The following ADGRE3 variants were observed in gnomAD, a reference collection of about 807,000 sequenced individuals.
The protein encoded by ADGRE3 is EGF-like module receptor 3.
Under a neutral mutation model 80.1 loss-of-function variants are expected in ADGRE3, and 88 were observed. The ratio of observed to expected loss-of-function variants is 1.10; its 90% CI spans 0.93 to 1.31. ADGRE3 has a LOEUF of 1.31. ADGRE3 is among the 40% of genes most tolerant of loss of function. ADGRE3 has a pLI of 0.00. For synonymous variants in ADGRE3, 281 were observed against 294.8 expected, an observed-to-expected ratio of 0.95 and a Z score of 0.48; for missense variants, 715 against 776.5, an observed-to-expected ratio of 0.92 and a Z score of 0.94.
chr19:14,620,867 T>C (rs1295224526), intron 15 of ADGRE3, among the ~76,000 whole-genome samples: 1 of 151,776 alleles, frequency 6.6e-6, no homozygotes, highest in Non-Finnish European at 1.5e-5. Flanking sequence ...ATTTCCACAA[T>C]GTTAAACGAT....
intron 7 of ADGRE3, among the ~76,000 whole-genome samples, chr19:14,649,220 A>G (rs1205063661): frequency 9.5e-6 from 1 of 104,980 alleles, no homozygotes; most frequent in Admixed American, 1.1e-4. Context: ...CTCTCTCCCC[A>G]TCTCTCTCTT....
chr19:14,619,410 A>G lies in ADGRE3; in HGVS notation c.*23T>C, dbSNP rs752912536. On this transcript the variant is annotated 3_prime_UTR_variant, in exon 16 of 16. Transcript: ENST00000253673. ...AAGAGATCCATGGATATGATTTTCC[A>G]TATGGAGTTGAATATTCTAGTTTTA... 5 of 1,502,058 alleles carry G rather than the reference A, an allele frequency of 3.3e-6. No homozygotes were observed. The highest frequency in any genetic ancestry group is 2.3e-5 in the East Asian group (1 of 44,350). The allele number at this position is 1,502,058 out of a possible 1,614,324, so 93.0% of individuals were successfully genotyped here. A position where few individuals can be genotyped will look rare whatever the true frequency, so the allele number is the denominator to read the frequency against.
downstream of ADGRE3, among the ~76,000 whole-genome samples, chr19:14,615,202 CTTTTT>C (rs34167082): frequency 9.0e-4 from 59 of 65,630 alleles, no homozygotes; most frequent in African/African-American, 3.3e-3. Context: ...CAGCTGCCTT[CTTTTT>C]TTTTTTTTTT....
intron 4 of ADGRE3, 127 bp from the exon 5 acceptor site, chr19:14,658,677 C>A: frequency 2.3e-6 from 1 of 437,124 alleles, no homozygotes; most frequent in Non-Finnish European, 4.1e-6. Context: ...AATTCATAGT[C>A]TTTATCTGCT....
At chr19:14,670,138 G>A (rs974656948) in intron 1 of ADGRE3, among the ~76,000 whole-genome samples, 8 of 152,162 alleles carry the variant, frequency 5.3e-5, no homozygotes, top group Non-Finnish European at 8.8e-5. Flanking sequence ...GCTCAGCTGG[G>A]CGGTTCTAGC....
intron 11 of ADGRE3, among the ~76,000 whole-genome samples, chr19:14,636,081 C>CTTTCTTTCTTTTTCTTTCTTT (rs1555755785): frequency 8.1e-5 from 2 of 24,604 alleles, no homozygotes; most frequent in East Asian, 1.5e-3. Context: ...CTTTCCTTTC[C>CTTTCTTTCTTTTTCTTTCTTT]CTTTCTTTCT....
intron 8 of ADGRE3, 48 bp from the exon 9 acceptor site, chr19:14,644,323 T>TTC (rs1220162893): frequency 7.4e-7 from 1 of 1,347,858 alleles, no homozygotes. Context: ...CTTTCTTTCT[T>TTC]TCTTTTTTTT....
intron 11 of ADGRE3, 69 bp downstream of exon 11, chr19:14,638,036 A>G: frequency 8.9e-7 from 1 of 1,117,440 alleles, no homozygotes. Flanking sequence ...TCCCACCATC[A>G]TCATGAATGC....
intron 9 of ADGRE3, among the ~76,000 whole-genome samples, chr19:14,642,160 AC>A (rs1971272111): frequency 6.6e-6 from 1 of 152,152 alleles, no homozygotes; most frequent in Admixed American, 6.5e-5. Flanking sequence ...AACTGTATAT[AC>A]ATTTAAAAAT....
At chr19:14,626,825 G>A (rs1970747872) in intron 14 of ADGRE3, among the ~76,000 whole-genome samples, 1 of 152,166 alleles carries the variant, frequency 6.6e-6, no homozygotes, top group African/African-American at 2.4e-5. Context: ...GGAGGAGGGA[G>A]CTGGGGTATT....
intron 1 of ADGRE3, among the ~76,000 whole-genome samples, chr19:14,673,681 G>C (rs1388950138): frequency 1.3e-5 from 2 of 152,216 alleles, no homozygotes; most frequent in African/African-American, 4.8e-5. Flanking sequence ...TGATGCAACA[G>C]ATTAATACAT....
chr19:14,669,331 T>C (rs1972189205), intron 1 of ADGRE3, among the ~76,000 whole-genome samples: 2 of 152,158 alleles, frequency 1.3e-5, no homozygotes, highest in African/African-American at 4.8e-5. Flanking sequence ...AAATATTGTA[T>C]GTTCTCACTT....
At chr19:14,665,945 T>TGC (rs1555763976) in intron 2 of ADGRE3, among the ~76,000 whole-genome samples, 1,097 of 26,876 alleles carry the variant, frequency 0.041, 174 homozygotes, top group South Asian at 0.098. Context: ...TGTATATATA[T>TGC]ATATATATAT....
At chr19:14,617,112 G>T, downstream of ADGRE3, among the ~76,000 whole-genome samples, 1 of 151,766 alleles carries the variant, frequency 6.6e-6, no homozygotes. Flanking sequence ...CTAGAATTTT[G>T]GCTGTGAAGA....
chr19:14,663,125 C>T (rs1166908105), intron 3 of ADGRE3, among the ~76,000 whole-genome samples: 1 of 151,976 alleles, frequency 6.6e-6, no homozygotes, highest in African/African-American at 2.4e-5. Context: ...GCCTCAGCCT[C>T]TTGAGTAGCT....
intron 3 of ADGRE3, among the ~76,000 whole-genome samples, chr19:14,662,678 G>A (rs1362155234): frequency 6.6e-6 from 1 of 152,006 alleles, no homozygotes; most frequent in Admixed American, 6.6e-5. Flanking sequence ...GAGCCACCAT[G>A]CCTGGCTGAA....
intron 12 of ADGRE3, 45 bp downstream of exon 12, chr19:14,633,191 C>CCAGG (rs1970932584): frequency 6.4e-7 from 1 of 1,554,302 alleles, no homozygotes; most frequent in East Asian, 2.2e-5. Flanking sequence ...CCCAGCACTT[C>CCAGG]TCTTGGTTCT....
At chr19:14,674,218 C>A (rs376044151) in intron 1 of ADGRE3, among the ~76,000 whole-genome samples, 11 of 151,914 alleles carry the variant, frequency 7.2e-5, no homozygotes, top group Admixed American at 6.6e-5. Flanking sequence ...TATTAGAGAC[C>A]GGGTGCGGTG....
chr19:14,634,388 A>G (rs892017994), intron 11 of ADGRE3, among the ~76,000 whole-genome samples: 2 of 152,184 alleles, frequency 1.3e-5, no homozygotes, highest in Non-Finnish European at 2.9e-5. Context: ...TTAAATTGGT[A>G]TGTGTACAGA....
Sources: allele counts gnomAD v4.1 joint callset (sites outside exome capture counted in the v4.1 genomes callset), GRCh38; gene constraint gnomAD v4.1.1; transcripts MANE v1.5; gene names NCBI Gene and HGNC (gene_info 2026-07-23, HGNC 2026-07-21).